The following NEB variants were observed in gnomAD, a reference collection of about 807,000 sequenced individuals.
NEB encodes nebulin.
In NEB, 512 loss-of-function variants were observed where a neutral mutation model predicts 952.2. That is an observed-to-expected ratio of 0.54 (90% confidence interval 0.50 to 0.58). NEB has a LOEUF of 0.58. Ranked by LOEUF, NEB falls within the 20% of genes least tolerant of loss-of-function variation. The pLI, the probability that NEB is intolerant of heterozygous loss-of-function variation, is 0.00. For missense variants in NEB, 8,428 were observed against 9,231.1 expected, an observed-to-expected ratio of 0.91 and a Z score of 3.56; for synonymous variants, 2,900 against 3,149.8, an observed-to-expected ratio of 0.92 and a Z score of 2.66.
rs560109089 is a variant in NEB at position 151,548,366 on chromosome 2, A to G, written c.20099T>C (p.Leu6700Pro). ...GACAAATGGAACATCTTTGGGGCCA[A>G]GTGTATACCCATATGCCTTGGTGTG... ...YEHTKAYGYT[L>P]GPKDVPFVHV... The change falls in exon 131 of 182, where the codon CTT becomes CCT. Residue 6700 changes from leucine to proline, a missense_variant. Around this residue, in one of 11 missense-constraint regions of NEB, gnomAD observed 3,374 missense variants for 3,651.5 expected, o/e 0.92. Transcript: ENST00000397345. 2.6e-5 allele frequency: 42 copies of G among 1,613,714 alleles called. No individual in the cohort carries two copies. Among genetic ancestry groups the G allele is most frequent in the Non-Finnish European group, 3.3e-5 (39 of 1,179,770 alleles).
intron 124 of NEB, among the ~76,000 whole-genome samples, chr2:151,558,372 G>A (rs185521149): frequency 2.2e-4 from 33 of 152,114 alleles, no homozygotes; most frequent in African/African-American, 7.5e-4. Flanking sequence ...GAGAGGACAC[G>A]AACAAATGGA....
chr2:151,650,414 T>C (rs1203185991), intron 53 of NEB, 35 bp from the exon 54 acceptor site: 10 of 1,594,046 alleles, frequency 6.3e-6, no homozygotes, highest in Non-Finnish European at 2.6e-6. Flanking sequence ...CAAAATCCCA[T>C]TCTCACCTGG....
intron 145 of NEB, 53 bp from the exon 146 acceptor site, chr2:151,529,367 G>A (rs146604424): frequency 2.0e-4 from 233 of 1,157,944 alleles, no homozygotes; most frequent in Non-Finnish European, 2.9e-4. Flanking sequence ...AGCATACTGA[G>A]CATCTTAAAA....
chr2:151,492,924 T>G (rs1321112786), intron 176 of NEB: 1 of 180,076 alleles, frequency 5.6e-6, no homozygotes, highest in Non-Finnish European at 1.2e-5. Flanking sequence ...GAAATCAAAG[T>G]CCTCCAGACA....
intron 117 of NEB, among the ~76,000 whole-genome samples, chr2:151,564,282 G>A (rs956538860): frequency 1.8e-4 from 27 of 152,164 alleles, no homozygotes; most frequent in African/African-American, 6.0e-4. Context: ...AGCCTCCAGA[G>A]TAGCTGGGAT....
At chr2:151,723,791 T>G (rs533289457) in intron 8 of NEB, among the ~76,000 whole-genome samples, 27 of 150,548 alleles carry the variant, frequency 1.8e-4, no homozygotes, top group Non-Finnish European at 3.2e-4. Context: ...TATTTGTCAT[T>G]GTTTATTAAT....
At chr2:151,629,346 C>G (rs1466344684) in intron 68 of NEB, among the ~76,000 whole-genome samples, 193 bp downstream of exon 68, 1 of 152,112 alleles carries the variant, frequency 6.6e-6, no homozygotes, top group African/African-American at 2.4e-5. Context: ...CCCTTCCTAC[C>G]TGGGACATAG....
At chr2:151,573,817 T>G (rs2096731590) in intron 107 of NEB, among the ~76,000 whole-genome samples, 1 of 152,204 alleles carries the variant, frequency 6.6e-6, no homozygotes, top group African/African-American at 2.4e-5. Flanking sequence ...TTGAATTGTG[T>G]AGCCAGCCAC....
rs1271111461 is a variant in NEB, at chr2:151,513,661, G to C, written c.23160C>G (p.Val7720=). Residue 7720 remains valine (V), a synonymous_variant, in exon 160 of 182, where the codon GTC becomes GTG. Transcript: ENST00000397345. ...CCATGGCATTCAGGCCTCTTCCTTT[G>C]ACTTCCAGTTCCAGGTCTCGCTTAT... ...KEYKRDLELE[V]KGRGLNAMAN... is the part of the protein sequence containing the mutation. 4.4e-6 allele frequency: 7 copies of C among 1,607,704 alleles called. No homozygotes were observed. The highest frequency in any genetic ancestry group is 5.9e-6 in the Non-Finnish European group (7 of 1,176,986).
rs16830216 is a variant in NEB, at chr2:151,560,595, G to A, written c.19311C>T (p.Ser6437=). 1.6e-3 allele frequency: 2,508 copies of A among 1,608,496 alleles called. 47 individuals carry two copies. In the African/African-American group the frequency reaches 0.03, roughly 19 times the overall value. Residue 6437 remains serine (S), a synonymous_variant, in exon 124 of 182, where the codon AGC becomes AGT. Coordinates refer to ENST00000397345, the MANE Select transcript of NEB (RefSeq NM_001164508.2). ...THAKNQKHLA[S]HIKYREEYEK... ...GTCATGTTTTTGCTTTACTTACATG[G>A]CTGGCCAGATGCTTCTGGTTCTTGG...
chr2:151,529,231 G>A lies in NEB; in HGVS notation c.21714C>T (p.Asp7238=), dbSNP rs756345641. Residue 7238 remains aspartate (D), a synonymous_variant, in exon 146 of 182, where the codon GAC becomes GAT. Transcript: ENST00000397345. ...TTACATTGGTGTTGACTTTGTAGGCGTCCTTGGCTGCTTTGATATGAACAG... is the reference window on the plus strand; with the variant it reads ...TTACATTGGTGTTGACTTTGTAGGCATCCTTGGCTGCTTTGATATGAACAG... ...PDAVHIKAAK[D]AYKVNTNLDY... The A allele has an allele frequency of 1.7e-5, 28 of 1,612,422 alleles. No homozygotes were observed. In the South Asian group the frequency reaches 1.9e-4, roughly 11 times the overall value.
chr2:151,570,203 A>G lies in NEB; in HGVS notation c.17308T>C (p.Ser5770Pro). 6.2e-7 allele frequency: 1 copy of G among 1,613,724 alleles called. No individual in the cohort carries two copies. Among genetic ancestry groups the G allele is most frequent in the Admixed American group, 1.7e-5 (1 of 60,000 alleles). The change falls in exon 109 of 182, where the codon TCT becomes CCT. Residue 5770 changes from serine to proline, a missense_variant. By Grantham distance (74) the Ser-to-Pro change is moderately conservative (BLOSUM62 -1). Transcript: ENST00000397345. ...SPVDMLSILH[S>P]KNSQALVSDM... ...CTGACCAGAGCCTGGGAATTTTTAG[A>G]GTGCAGGATGGAAAGCATGTCCACA...
rs2153708653 is a variant in NEB, at chr2:151,562,103, G to A, written c.18996+7C>T. 1.9e-6 allele frequency: 3 copies of A among 1,609,584 alleles called. No homozygotes were observed. The highest frequency in any genetic ancestry group is 2.6e-6 in the Non-Finnish European group (3 of 1,176,028). On this transcript the variant is annotated splice_region_variant and intron_variant, in intron 121 of 181. Coordinates refer to ENST00000397345, the MANE Select transcript of NEB (RefSeq NM_001164508.2). ...GGAGAACCAGTCCTTCTAGGAAGGT[G>A]GCTCACCTGACTCTGAAGGTCGTAT...
chr2:151,642,996 T>C, intron 58 of NEB, 127 bp from the exon 59 acceptor site: 1 of 1,147,630 alleles, frequency 8.7e-7, no homozygotes, highest in Non-Finnish European at 1.2e-6. Context: ...TTTTCAGGTC[T>C]AAATGTCTTG....
intron 146 of NEB, among the ~76,000 whole-genome samples, chr2:151,528,963 G>A (rs1415792157): frequency 7.2e-5 from 11 of 152,174 alleles, no homozygotes; most frequent in Admixed American, 3.3e-4. Flanking sequence ...GCCACCCACC[G>A]CAAAAGCTGA....
chr2:151,639,495 T>C (rs1462484777), intron 62 of NEB, 111 bp from the exon 63 acceptor site: 21 of 777,270 alleles, frequency 2.7e-5, no homozygotes, highest in Non-Finnish European at 3.3e-5. Context: ...ATGTGTTTTA[T>C]ACACATTATG....
At position 151,672,548 on chromosome 2, in the gene NEB, A is replaced by G. The variant is rs749846221; in HGVS notation, c.4120T>C (p.Tyr1374His). 6.2e-7 allele frequency: 1 copy of G among 1,613,948 alleles called. No homozygotes were observed. Among genetic ancestry groups the G allele is most frequent in the Non-Finnish European group, 8.5e-7 (1 of 1,179,884 alleles). ...LQSDREYKKN[Y>H]ENTKTSYHTP... Reference sequence around the variant, plus strand: ...TGGTAGCTGGTTTTGGTGTTCTCATAGTTCTTCTTGTATTCACGATCAGAC... The same window carrying G: ...TGGTAGCTGGTTTTGGTGTTCTCATGGTTCTTCTTGTATTCACGATCAGAC... Residue 1374 changes from tyrosine to histidine, a missense_variant, in exon 37 of 182, where the codon TAT becomes CAT. Around this residue, in one of 11 missense-constraint regions of NEB, gnomAD observed 2,851 missense variants for 2,791.5 expected, o/e 1.02. Coordinates refer to ENST00000397345, the MANE Select transcript of NEB (RefSeq NM_001164508.2).
chr2:151,730,350 A>G (rs925574613), intron 3 of NEB, among the ~76,000 whole-genome samples: 1 of 152,164 alleles, frequency 6.6e-6, no homozygotes, highest in African/African-American at 2.4e-5. Context: ...GCAATTTGCC[A>G]TAGTGGCTCT....
intron 139 of NEB, 39 bp from the exon 140 acceptor site, chr2:151,538,015 C>G: frequency 1.3e-6 from 2 of 1,574,068 alleles, no homozygotes; most frequent in Non-Finnish European, 1.7e-6. Flanking sequence ...AAGTCTTACC[C>G]AAAGTTAATG....
Sources: allele counts gnomAD v4.1 joint callset (sites outside exome capture counted in the v4.1 genomes callset), GRCh38; gene constraint gnomAD v4.1.1; regional missense constraint gnomAD v4.1.1; transcripts MANE v1.5; gene names NCBI Gene and HGNC (gene_info 2026-07-23, HGNC 2026-07-21).